PIEZO1: variants seen among roughly 807,000 people sequenced by gnomAD.
PIEZO1 encodes piezo type mechanosensitive ion channel component 1 (Er blood group).
In PIEZO1, 296 loss-of-function variants were observed where a neutral mutation model predicts 297.2. That is an observed-to-expected ratio of 1.00 (90% confidence interval 0.91 to 1.10). The LOEUF (loss-of-function observed/expected upper bound fraction) is 1.10. Ranked by LOEUF, PIEZO1 falls within the 50% of genes least tolerant of loss-of-function variation. The probability of loss-of-function intolerance (pLI) is 0.00; values close to 1 mark genes in which losing one functional copy is unlikely to be tolerated. For missense variants in PIEZO1, 5,018 were observed against 3,455.5 expected (o/e 1.45, Z -11.34); for synonymous variants, 2,427 against 1,507.5 (o/e 1.61, Z -14.13).
rs984838162 is a variant in PIEZO1 at position 88,738,280 on chromosome 16, G to C, written c.795C>G (p.Cys265Trp). ...FGAGHLICLY[C>W]YQMPLAQALL... ...GAGCCTGTGCCAAGGGCATCTGGTA[G>C]CAGTAGAGGCAGATGAGATGGCCGG... is the stretch of plus-strand genomic sequence containing the variant. The change falls in exon 7 of 51, where the codon TGC becomes TGG. Residue 265 changes from cysteine to tryptophan, a missense_variant. Cys to Trp is a radical substitution (Grantham distance 215, BLOSUM62 -2). Coordinates refer to ENST00000301015, the MANE Select transcript of PIEZO1 (RefSeq NM_001142864.4). 1 of 1,535,904 alleles carries C rather than the reference G, an allele frequency of 6.5e-7. No individual in the cohort carries two copies. Among genetic ancestry groups the C allele is most frequent in the Non-Finnish European group, 8.7e-7 (1 of 1,146,840 alleles).
chr16:88,721,377 C>A lies in PIEZO1; in HGVS notation c.5457G>T (p.Lys1819Asn). ...EEDSPSKEHD[K>N]SGEEEQGAEE... Reference sequence around the variant, plus strand: ...CGGCTCCCTGCTCCTCCTCGCCGCTCTTGTCATGCTCCTTGGATGGTGAGT... The same window carrying A: ...CGGCTCCCTGCTCCTCCTCGCCGCTATTGTCATGCTCCTTGGATGGTGAGT... The change falls in exon 39 of 51, where the codon AAG becomes AAT. Residue 1819 changes from lysine (K) to asparagine (N), a missense_variant. Transcript: ENST00000301015. The A allele has an allele frequency of 6.5e-7, 1 of 1,549,902 alleles. No homozygotes were observed. The highest frequency in any genetic ancestry group is 8.7e-7 in the Non-Finnish European group (1 of 1,146,894).
At position 88,716,276 on chromosome 16, in the gene PIEZO1, C is replaced by A. The variant is rs1391320838; in HGVS notation, c.7051G>T (p.Val2351Phe). The A allele has an allele frequency of 2.7e-6, 4 of 1,490,518 alleles. No homozygotes were observed. In the African/African-American group the frequency reaches 4.2e-5, roughly 16 times the overall value. 92.3% of individuals were successfully genotyped at this position (1,490,518 alleles called of 1,614,324 possible). A position where few individuals can be genotyped will look rare whatever the true frequency, so the allele number is the denominator to read the frequency against. ...TACTTGGGGAAGAGATTAGGGATGA[C>A]CCTGCAGGGAGGTGCTGGCAGGTCA... is the stretch of plus-strand genomic sequence containing the variant. ...LLEGTSDQSV[V>F]IPNLFPKYIR... The change falls in exon 49 of 51, where the codon GTC becomes TTC. Residue 2351 changes from valine (V) to phenylalanine (F), a missense_variant and splice_region_variant. Val to Phe is a conservative substitution (Grantham distance 50). Coordinates refer to ENST00000301015, the MANE Select transcript of PIEZO1 (RefSeq NM_001142864.4).
chr16:88,755,956 C>CG (rs762275362), intron 1 of PIEZO1, among the ~76,000 whole-genome samples: 34 of 151,942 alleles, frequency 2.2e-4, no homozygotes, highest in Non-Finnish European at 4.7e-4. Context: ...AGCCTCGGAG[C>CG]GGGGAGGGCG....
intron 2 of PIEZO1, among the ~76,000 whole-genome samples, chr16:88,747,014 C>T (rs770488161): frequency 8.5e-5 from 13 of 152,304 alleles, no homozygotes; most frequent in Middle Eastern, 6.8e-3. Flanking sequence ...AGCACTCGGC[C>T]GCACTGGGCC....
rs763941227 is a variant in PIEZO1 at position 88,738,562 on chromosome 16, G to A, written c.634+6C>T. On this transcript the variant is annotated splice_donor_region_variant and intron_variant, in intron 6 of 50. Coordinates refer to ENST00000301015, the MANE Select transcript of PIEZO1 (RefSeq NM_001142864.4). ...GACTGCCAGTGCCCCCTGCCTCGGT[G>A]CGTACCTGCCAGTGCAAGCAGTGTT... The A allele has an allele frequency of 6.5e-6, 10 of 1,533,982 alleles. 1 individual carries two copies. The South Asian group carries it at 1.2e-4, about 18-fold the overall frequency.
rs960177185 is a variant in PIEZO1 at position 88,727,571 on chromosome 16, G to C, written c.3287C>G (p.Ser1096Cys). 2.7e-6 allele frequency: 4 copies of C among 1,501,850 alleles called. No homozygotes were observed. 93.0% of individuals were successfully genotyped at this position (1,501,850 alleles called of 1,614,324 possible). A position where few individuals can be genotyped will look rare whatever the true frequency, so the allele number is the denominator to read the frequency against. ...YLPDFFRAPN[S>C]TNLISDFLLL... ...GGGGCACTCACTGATGAGGTTGGTG[G>C]AGTTGGGGGCCCGGAAGAAATCAGG... Residue 1096 changes from serine to cysteine, a missense_variant, in exon 23 of 51, where the codon TCC (serine) becomes TGC (cysteine). Transcript: ENST00000301015.
In PIEZO1 at chr16:88,720,178, G is replaced by C; in HGVS notation, c.6055C>G (p.Arg2019Gly). ...ACGGTCTTGCGCAGGTAGAGGGCGC[G>C]GTCAACCACCATGGTACTGAACTGG... ...LIQFSTMVVDRALYLRKTVLG... is the reference protein window; with the variant it reads ...LIQFSTMVVDGALYLRKTVLG... The change falls in exon 42 of 51, where the codon CGC becomes GGC. Residue 2019 changes from arginine (R) to glycine (G), a missense_variant. Transcript: ENST00000301015. 1.9e-6 allele frequency: 3 copies of C among 1,550,504 alleles called. No individual in the cohort carries two copies. Among genetic ancestry groups the C allele is most frequent in the South Asian group, 1.2e-5 (1 of 84,060 alleles).
chr16:88,717,342 G>C, intron 44 of PIEZO1, 131 bp from the exon 45 acceptor site: 3 of 739,764 alleles, frequency 4.1e-6, no homozygotes, highest in Non-Finnish European at 7.0e-6. Context: ...CGGTAGTAAT[G>C]GTGGGCAGAC....
At chr16:88,783,834 C>A (rs1006790920) in intron 1 of PIEZO1, among the ~76,000 whole-genome samples, 1 of 152,260 alleles carries the variant, frequency 6.6e-6, no homozygotes, top group African/African-American at 2.4e-5. Flanking sequence ...GAGCCTCAGG[C>A]AGGCGGCTCT....
intron 1 of PIEZO1, among the ~76,000 whole-genome samples, chr16:88,783,646 A>G (rs1908034476): frequency 6.6e-6 from 1 of 152,080 alleles, no homozygotes; most frequent in African/African-American, 2.4e-5. Flanking sequence ...GGCCCATCTG[A>G]CCCTGCACTG....
At chr16:88,736,792 A>T in intron 10 of PIEZO1, 53 bp from the exon 11 acceptor site, 1 of 1,122,560 alleles carries the variant, frequency 8.9e-7, no homozygotes, top group Non-Finnish European at 1.3e-6. Flanking sequence ...AGGCCTCCCC[A>T]CCCTGACTAT....
intron 8 of PIEZO1, 51 bp from the exon 9 acceptor site, chr16:88,737,865 G>T (rs780315673): frequency 6.5e-7 from 1 of 1,532,708 alleles, no homozygotes; most frequent in African/African-American, 1.4e-5. Flanking sequence ...CCCACCCAGA[G>T]GCAGGAGGTC....
In PIEZO1 at chr16:88,725,286, T is replaced by C; in HGVS notation, c.4162+130A>G. The C allele has an allele frequency of 4.3e-6, 3 of 698,496 alleles. No homozygotes were observed. In the East Asian group the frequency reaches 8.8e-5, roughly 20 times the overall value. 43.3% of individuals were successfully genotyped at this position (698,496 alleles called of 1,614,324 possible). A position where few individuals can be genotyped will look rare whatever the true frequency, so the allele number is the denominator to read the frequency against. The stretch of plus-strand genomic sequence containing the variant: ...GCCATGGGGCCTGCCAGACAGAGGG[T>C]GATCATGCGGACAGGACAGGCGGGC... On this transcript the variant is annotated intron_variant, in intron 29 of 50. Transcript: ENST00000301015.
chr16:88,736,373 G>A lies in PIEZO1; in HGVS notation c.1332C>T (p.Phe444=), dbSNP rs745382579. The part of the protein sequence containing the change: ...WSITYHSWLT[F]VLLLWACLIW... ...TGAGGCAGGCCCAGAGCAGCAGTAC[G>A]AAGGTCAGCCAGCTGTGGTAGGTGA... The change falls in exon 12 of 51, where the codon TTC becomes TTT. Residue 444 remains phenylalanine (F), a synonymous_variant. Coordinates refer to ENST00000301015, the MANE Select transcript of PIEZO1 (RefSeq NM_001142864.4). 3.2e-5 allele frequency: 49 copies of A among 1,549,590 alleles called. 1 individual carries two copies. Among genetic ancestry groups the A allele is most frequent in the Admixed American group, 2.2e-4 (11 of 50,974 alleles).
At chr16:88,726,216 G>A (rs1373255611) in intron 27 of PIEZO1, 68 bp downstream of exon 27, 3 of 1,354,828 alleles carry the variant, frequency 2.2e-6, no homozygotes, top group Admixed American at 2.3e-5. Flanking sequence ...GAGACAGTGA[G>A]GAACCTCCCA....
Position 88,715,421 on chromosome 16 carries a change from C to T in PIEZO1, c.*184G>A. On this transcript the variant is annotated 3_prime_UTR_variant, in exon 51 of 51. Coordinates refer to ENST00000301015, the MANE Select transcript of PIEZO1 (RefSeq NM_001142864.4). Reference sequence around the variant, plus strand: ...ACACGTGGGGGACGGCAGCGCCACGCAGGCCGTGGGGACGCAGTGTCCTTC... The same window carrying T: ...ACACGTGGGGGACGGCAGCGCCACGTAGGCCGTGGGGACGCAGTGTCCTTC... 3.2e-6 allele frequency: 3 copies of T among 932,928 alleles called. No individual in the cohort carries two copies. Among genetic ancestry groups the T allele is most frequent in the Non-Finnish European group, 4.7e-6 (3 of 633,638 alleles). 57.8% of individuals were successfully genotyped at this position (932,928 alleles called of 1,614,324 possible).
intron 1 of PIEZO1, among the ~76,000 whole-genome samples, chr16:88,759,118 A>C (rs968791256): frequency 6.6e-6 from 1 of 152,200 alleles, no homozygotes; most frequent in Non-Finnish European, 1.5e-5. Context: ...AAGGAAAAGG[A>C]CTGGAGGAAA....
At chr16:88,731,651 A>T in intron 22 of PIEZO1, 55 bp downstream of exon 22, 1 of 1,399,182 alleles carries the variant, frequency 7.1e-7, no homozygotes, top group Non-Finnish European at 9.9e-7. Flanking sequence ...AAACACCCCC[A>T]CGGGCATCCA....
chr16:88,737,853 AC>A, intron 8 of PIEZO1, 39 bp from the exon 9 acceptor site: 1 of 1,533,118 alleles, frequency 6.5e-7, no homozygotes, highest in Non-Finnish European at 8.7e-7. Flanking sequence ...CCAGCTCCAC[AC>A]CCCACCCAGA....
Sources: gnomAD v4.1 joint callset for allele counts (sites outside exome capture counted in the v4.1 genomes callset) on GRCh38, gnomAD v4.1.1 for gene constraint, MANE v1.5 for transcripts, NCBI Gene and HGNC (gene_info 2026-07-23, HGNC 2026-07-21) for gene names.